The following UBAP2 variants were observed in gnomAD, a reference collection of about 807,000 sequenced individuals.
UBAP2 encodes ubiquitin associated protein 2.
Under a neutral mutation model 139.6 loss-of-function variants are expected in UBAP2, and 75 were observed. The ratio of observed to expected loss-of-function variants is 0.54; its 90% CI spans 0.45 to 0.65. UBAP2 has a LOEUF of 0.65. UBAP2 is among the 30% of genes least tolerant of loss of function. The pLI is 0.00. For synonymous variants in UBAP2, 526 were observed against 526.2 expected, an observed-to-expected ratio of 1.00 and a Z score of 0.01; for missense variants, 1,368 against 1,369.6, an observed-to-expected ratio of 1.00 and a Z score of 0.02.
Position 33,923,481 on chromosome 9 carries a change from G to C in UBAP2, c.2797-3C>G, listed in dbSNP as rs368852145. 4 of 1,613,152 alleles carry C rather than the reference G, an allele frequency of 2.5e-6. No homozygotes were observed. In the South Asian group the frequency reaches 3.3e-5, roughly 13 times the overall value. On this transcript the variant is annotated splice_polypyrimidine_tract_variant and splice_region_variant and intron_variant, in intron 24 of 28. Coordinates refer to ENST00000379238, the MANE Select transcript of UBAP2 (RefSeq NM_001370062.2). ...TGCTTGGCTGAGGCTGGAGGGACCT[G>C]GGGGGGCAAGCAGATGAGGTATTAG...
rs144569253 is a variant in UBAP2 at position 33,924,598 on chromosome 9, C to T, written c.2512-314G>A. ...TGAATGCCTCGGGCTGAACCAACTTCGCTGGCTTTTCTGTGTGAGAGACTA... is the reference window on the plus strand; with the variant it reads ...TGAATGCCTCGGGCTGAACCAACTTTGCTGGCTTTTCTGTGTGAGAGACTA... On this transcript the variant is annotated intron_variant, in intron 22 of 28. Transcript: ENST00000379238. Among the ~76,000 whole-genome samples the T allele has an allele frequency of 7.8e-3, 1,189 of 152,332 alleles. 10 individuals are homozygous for T. The highest frequency in any genetic ancestry group is 0.013 in the Non-Finnish European group (894 of 68,030).
At chr9:33,983,609 T>C (rs1261306930) in intron 6 of UBAP2, among the ~76,000 whole-genome samples, 1 of 152,182 alleles carries the variant, frequency 6.6e-6, no homozygotes, top group Non-Finnish European at 1.5e-5. Flanking sequence ...CAGTAAAATT[T>C]AGGGGTCAAT....
At chr9:33,945,178 GATAT>G (rs10537006) in intron 13 of UBAP2, among the ~76,000 whole-genome samples, 5 of 149,434 alleles carry the variant, frequency 3.3e-5, no homozygotes, top group African/African-American at 1.2e-4. Flanking sequence ...TGGACTAATT[GATAT>G]ATATATATAT....
At chr9:33,928,302 C>T in intron 19 of UBAP2, 1 of 321,722 alleles carries the variant, frequency 3.1e-6, no homozygotes, top group Non-Finnish European at 5.7e-6. Flanking sequence ...AAAATGAGGG[C>T]ATAGAAATCC....
chr9:33,956,401 C>T (rs565386057), intron 10 of UBAP2, among the ~76,000 whole-genome samples: 1 of 150,560 alleles, frequency 6.6e-6, no homozygotes, highest in East Asian at 2.0e-4. Flanking sequence ...TCACTGCAAT[C>T]TGTGCCTCCT....
At chr9:33,974,726 C>A (rs188622839) in intron 6 of UBAP2, among the ~76,000 whole-genome samples, 4 of 152,094 alleles carry the variant, frequency 2.6e-5, no homozygotes, top group African/African-American at 9.6e-5. Context: ...CCAAGGCAGG[C>A]GGATCACCTG....
At chr9:34,043,232 C>T (rs1275323834) in intron 1 of UBAP2, among the ~76,000 whole-genome samples, 1 of 152,146 alleles carries the variant, frequency 6.6e-6, no homozygotes, top group Non-Finnish European at 1.5e-5. Context: ...AGTGCAGTGG[C>T]ACAATCACAG....
At chr9:33,937,857 G>A (rs1347300387) in intron 16 of UBAP2, among the ~76,000 whole-genome samples, 1 of 152,000 alleles carries the variant, frequency 6.6e-6, no homozygotes, top group Non-Finnish European at 1.5e-5. Context: ...AGGAGGCAGA[G>A]GTTGCAGTGA....
At chr9:33,998,913 T>G in intron 2 of UBAP2, 49 bp from the exon 3 acceptor site, 1 of 1,522,468 alleles carries the variant, frequency 6.6e-7, no homozygotes, top group Non-Finnish European at 9.0e-7. Flanking sequence ...AAAGCATAAG[T>G]TAGATTCCAA....
At chr9:34,029,599 G>C (rs1046308893) in intron 1 of UBAP2, among the ~76,000 whole-genome samples, 8 of 151,928 alleles carry the variant, frequency 5.3e-5, no homozygotes, top group African/African-American at 1.9e-4. Context: ...ACTTTGGGAG[G>C]CCATGGTGGG....
chr9:33,944,769 C>T, intron 13 of UBAP2, 130 bp from the exon 14 acceptor site: 1 of 997,936 alleles, frequency 1.0e-6, no homozygotes, highest in Non-Finnish European at 1.4e-6. Flanking sequence ...TTTACACACA[C>T]TATGTGTAAC....
chr9:33,935,002 T>A lies in UBAP2; in HGVS notation c.1969+837A>T, dbSNP rs755584293. Reference sequence around the variant, plus strand: ...GTTCAATATCCGCACTCCCAGGAAATCCTATTTAAAGAGTCTTTCTGGCTT... The same window carrying A: ...GTTCAATATCCGCACTCCCAGGAAAACCTATTTAAAGAGTCTTTCTGGCTT... On this transcript the variant is annotated intron_variant, in intron 17 of 28. Coordinates refer to ENST00000379238, the MANE Select transcript of UBAP2 (RefSeq NM_001370062.2). 2.0e-5 allele frequency among the ~76,000 whole-genome samples: 3 copies of A among 152,254 alleles called. No homozygotes were observed. The South Asian group carries it at 6.2e-4, about 32-fold the overall frequency.
chr9:34,008,090 G>A (rs530007904), intron 2 of UBAP2, among the ~76,000 whole-genome samples: 10 of 151,934 alleles, frequency 6.6e-5, no homozygotes, highest in South Asian at 2.1e-4. Context: ...AGCCGAGATC[G>A]CGCCACTGCA....
In UBAP2 at chr9:33,956,930, G is replaced by GA. The variant is rs11285793; in HGVS notation, c.799-785dup. Among the ~76,000 whole-genome samples the GA allele has an allele frequency of 2.4e-4, 36 of 147,840 alleles. 1 individual carries two copies. The highest frequency in any genetic ancestry group is 2.7e-4 in the Admixed American group (4 of 14,858). ...GCCAGAAGTAAGGCTTCATCTCTAG[G>GA]AAAAAAAAAAAAATTGGCTGGTCGT... On this transcript the variant is annotated intron_variant, in intron 10 of 28. Transcript: ENST00000379238.
chr9:33,944,765 C>T lies in UBAP2; in HGVS notation c.1271-126G>A, dbSNP rs1825526359. On this transcript the variant is annotated intron_variant, in intron 13 of 28. Transcript: ENST00000379238. ...CCAGTTGAATTTCTTAGGTTTTACA[C>T]ACACTATGTGTAACACTTCATTTAT... The T allele has an allele frequency of 1.5e-5, 17 of 1,129,734 alleles. No individual in the cohort carries two copies. In the South Asian group the frequency reaches 2.2e-4, roughly 15 times the overall value. 70.0% of individuals were successfully genotyped at this position (1,129,734 alleles called of 1,614,324 possible).
chr9:34,046,732 T>C (rs550349463), intron 1 of UBAP2, among the ~76,000 whole-genome samples: 1 of 151,544 alleles, frequency 6.6e-6, no homozygotes, highest in South Asian at 2.1e-4. Context: ...TCTACACATA[T>C]TTTATACTTA....
At chr9:33,960,247 T>C (rs1316556306) in intron 10 of UBAP2, among the ~76,000 whole-genome samples, 1 of 152,124 alleles carries the variant, frequency 6.6e-6, no homozygotes, top group Non-Finnish European at 1.5e-5. Flanking sequence ...TCAACCTTTT[T>C]TCTTGTTTGT....
intron 13 of UBAP2, among the ~76,000 whole-genome samples, chr9:33,947,259 G>A (rs756925296): frequency 6.6e-6 from 1 of 152,156 alleles, no homozygotes; most frequent in Non-Finnish European, 1.5e-5. Context: ...ATGCTTCCCT[G>A]TCTCTCTATA....
chr9:34,016,224 G>A lies in UBAP2; in HGVS notation c.99+826C>T, dbSNP rs1434050311. On this transcript the variant is annotated intron_variant, in intron 2 of 28. Coordinates refer to ENST00000379238, the MANE Select transcript of UBAP2 (RefSeq NM_001370062.2). ...AAGAGGAGGAATAGGAGGAAGAGGA[G>A]GAGGAAGAGGAAGGGGAGGAAGAGG... 1.8e-5 allele frequency among the ~76,000 whole-genome samples: 2 copies of A among 109,742 alleles called. 1 individual carries two copies. The highest frequency in any genetic ancestry group is 2.3e-4 in the Admixed American group (2 of 8,698). The allele number at this position is 109,742 out of a possible 152,430, so 72.0% of individuals were successfully genotyped here.
Sources: gnomAD v4.1 joint callset for allele counts (sites outside exome capture counted in the v4.1 genomes callset) on GRCh38, gnomAD v4.1.1 for gene constraint, MANE v1.5 for transcripts, NCBI Gene and HGNC (gene_info 2026-07-23, HGNC 2026-07-21) for gene names.